PNPLA8: variants seen among roughly 807,000 people sequenced by gnomAD.
The protein encoded by PNPLA8 is patatin like domain 8, phospholipase A2.
Under a neutral mutation model 76.9 loss-of-function variants are expected in PNPLA8, and 39 were observed. The observed-to-expected ratio is 0.51, with a 90% CI of 0.39 to 0.66. PNPLA8 has a LOEUF of 0.66. Ranked by LOEUF, PNPLA8 falls within the 30% of genes least tolerant of loss-of-function variation. The pLI is 0.00. For synonymous variants in PNPLA8, 301 were observed against 307.9 expected (o/e 0.98, Z 0.24); for missense variants, 887 against 918.0 (o/e 0.97, Z 0.44).
intron 8 of PNPLA8, among the ~76,000 whole-genome samples, chr7:108,490,128 G>A (rs1287363614): frequency 2.0e-5 from 3 of 152,096 alleles, no homozygotes; most frequent in Non-Finnish European, 4.4e-5. Context: ...CTGTAGATAC[G>A]TAAGTATTCT....
intron 7 of PNPLA8, among the ~76,000 whole-genome samples, chr7:108,494,947 C>T (rs144575109): frequency 1.9e-3 from 294 of 152,104 alleles, no homozygotes; most frequent in Admixed American, 5.0e-3. Context: ...AAAAAGCCAT[C>T]AAAAACCAAA....
At chr7:108,495,570 T>G (rs1861488810) in intron 7 of PNPLA8, among the ~76,000 whole-genome samples, 1 of 152,178 alleles carries the variant, frequency 6.6e-6, no homozygotes, top group Admixed American at 6.5e-5. Flanking sequence ...TTTCTCGATA[T>G]ATTTTCTATT....
intron 10 of PNPLA8, among the ~76,000 whole-genome samples, chr7:108,473,146 T>C (rs1370483274): frequency 1.3e-5 from 2 of 152,246 alleles, no homozygotes; most frequent in African/African-American, 2.4e-5. Context: ...TTATAGTTGG[T>C]GCCCACTTTC....
intron 4 of PNPLA8, chr7:108,510,323 C>T (rs144474875): frequency 4.0e-5 from 63 of 1,585,580 alleles, no homozygotes; most frequent in South Asian, 6.6e-5. Context: ...GAAGATGAAG[C>T]GCCTGAGAAA....
intron 4 of PNPLA8, among the ~76,000 whole-genome samples, chr7:108,511,411 T>C (rs923806926): frequency 1.3e-5 from 2 of 152,178 alleles, no homozygotes; most frequent in African/African-American, 4.8e-5. Context: ...TATGATGCAT[T>C]ATGAGGCACA....
chr7:108,505,348 ATATATTTTTTTTTTTTTT>A (rs1413934348), intron 4 of PNPLA8, among the ~76,000 whole-genome samples: 1 of 6,224 alleles, frequency 1.6e-4, no homozygotes. Flanking sequence ...ATATATATAT[ATATATTTTTTTTTTTTTT>A]TTTTTTTTTT....
chr7:108,517,796 G>T (rs1392664852), intron 2 of PNPLA8, among the ~76,000 whole-genome samples: 1 of 152,036 alleles, frequency 6.6e-6, no homozygotes, highest in East Asian at 1.9e-4. Flanking sequence ...TAGAGACAGG[G>T]TCTCACTCTG....
intron 4 of PNPLA8, chr7:108,510,728 A>G: frequency 6.2e-7 from 1 of 1,601,086 alleles, no homozygotes; most frequent in Non-Finnish European, 8.5e-7. Context: ...TAAGAAGCGA[A>G]TTGCTTTGAC....
chr7:108,494,495 A>T (rs1861417299), intron 7 of PNPLA8, among the ~76,000 whole-genome samples: 1 of 152,192 alleles, frequency 6.6e-6, no homozygotes, highest in African/African-American at 2.4e-5. Flanking sequence ...TAGGTTGCTT[A>T]TTCTAATGGC....
chr7:108,513,832 T>C (rs1174418794), intron 4 of PNPLA8, among the ~76,000 whole-genome samples: 1 of 152,148 alleles, frequency 6.6e-6, no homozygotes. Flanking sequence ...AACAGTTACA[T>C]AGTATAAATA....
intron 4 of PNPLA8, chr7:108,510,733 T>C: frequency 1.9e-6 from 3 of 1,601,246 alleles, no homozygotes; most frequent in Non-Finnish European, 2.5e-6. Flanking sequence ...AGCGAATTGC[T>C]TTGACAGATA....
chr7:108,489,414 T>C (rs1860978389), intron 8 of PNPLA8, among the ~76,000 whole-genome samples: 1 of 152,222 alleles, frequency 6.6e-6, no homozygotes, highest in South Asian at 2.1e-4. Context: ...GCCATTCCCT[T>C]TGCCAGGAAT....
At chr7:108,499,255 GT>G (rs993157077) in intron 5 of PNPLA8, among the ~76,000 whole-genome samples, 2 of 152,038 alleles carry the variant, frequency 1.3e-5, no homozygotes, top group South Asian at 2.1e-4. Context: ...TGGTTTTGGG[GT>G]TTTTTTCTCT....
intron 8 of PNPLA8, among the ~76,000 whole-genome samples, chr7:108,490,599 T>A (rs933231243): frequency 4.6e-5 from 7 of 151,932 alleles, no homozygotes; most frequent in Non-Finnish European, 1.0e-4. Flanking sequence ...CTGGCTAACA[T>A]GGTGAAACCC....
At position 108,510,351 on chromosome 7, in the gene PNPLA8, T is replaced by C. The variant is rs2154516432; in HGVS notation, c.1206+3793A>G. On this transcript the variant is annotated intron_variant, in intron 4 of 10. Transcript: ENST00000257694. ...CTGAGAAAGAAGTTTGCCCAAAAGA[T>C]GCTTCGAAAGGCAAGGAGGAAGCTT... 9.5e-6 allele frequency: 15 copies of C among 1,579,268 alleles called. No homozygotes were observed. The South Asian group carries it at 1.4e-4, about 15-fold the overall frequency.
chr7:108,494,351 C>T (rs1598904668), intron 7 of PNPLA8, among the ~76,000 whole-genome samples: 1 of 152,196 alleles, frequency 6.6e-6, no homozygotes, highest in Non-Finnish European at 1.5e-5. Context: ...GGCTCCTCAG[C>T]TCACACTCCC....
chr7:108,480,692 A>G (rs1860330469), intron 9 of PNPLA8: 2 of 407,474 alleles, frequency 4.9e-6, no homozygotes, highest in Non-Finnish European at 1.0e-5. Flanking sequence ...TTTCAGTAAT[A>G]TGGTGCATAC....
At chr7:108,525,415 TTTTA>T (rs1864005501) in intron 1 of PNPLA8, among the ~76,000 whole-genome samples, 1 of 152,200 alleles carries the variant, frequency 6.6e-6, no homozygotes, top group South Asian at 2.1e-4. Context: ...TGAGTCACCA[TTTTA>T]AAGTTATCAT....
chr7:108,491,770 CA>C (rs1451074894), intron 7 of PNPLA8, among the ~76,000 whole-genome samples: 2 of 152,246 alleles, frequency 1.3e-5, no homozygotes, highest in Non-Finnish European at 2.9e-5. Flanking sequence ...TGAAAGACTG[CA>C]AGGCAACATA....
Sources: gnomAD v4.1 joint callset for allele counts (sites outside exome capture counted in the v4.1 genomes callset) on GRCh38, gnomAD v4.1.1 for gene constraint, MANE v1.5 for transcripts, NCBI Gene and HGNC (gene_info 2026-07-23, HGNC 2026-07-21) for gene names.